The following FILIP1L variants were observed in gnomAD, a reference collection of about 807,000 sequenced individuals.
The protein encoded by FILIP1L is filamin A-interacting protein 1-like.
A neutral mutation model predicts 96.6 loss-of-function variants in FILIP1L; 55 were observed. That is an observed-to-expected ratio of 0.57 (90% CI 0.46 to 0.71). The LOEUF (loss-of-function observed/expected upper bound fraction) is 0.71, where lower values mean the gene tolerates loss of function less well. Ranked by LOEUF, FILIP1L falls within the 30% of genes least tolerant of loss-of-function variation. The probability of loss-of-function intolerance (pLI) is 0.00; values close to 1 mark genes in which losing one functional copy is unlikely to be tolerated. For missense variants in FILIP1L, 1,304 were observed against 1,321.2 expected, an observed-to-expected ratio of 0.99 and a Z score of 0.20; for synonymous variants, 467 against 473.9, an observed-to-expected ratio of 0.99 and a Z score of 0.19.
chr3:99,924,988 C>T (rs1018964718), intron 3 of FILIP1L, among the ~76,000 whole-genome samples: 3 of 152,236 alleles, frequency 2.0e-5, no homozygotes, highest in Admixed American at 2.0e-4. Context: ...CTCTTTCTGA[C>T]ACTCTTATGT....
At chr3:100,085,042 G>A (rs1442260454) in intron 1 of FILIP1L, among the ~76,000 whole-genome samples, 1 of 152,150 alleles carries the variant, frequency 6.6e-6, no homozygotes, top group Non-Finnish European at 1.5e-5. Flanking sequence ...ATGTATGTAT[G>A]GTACAGATCT....
chr3:100,013,033 A>G (rs775916681), intron 1 of FILIP1L, among the ~76,000 whole-genome samples: 1 of 151,602 alleles, frequency 6.6e-6, no homozygotes, highest in South Asian at 2.1e-4. Flanking sequence ...CACCCAGCCA[A>G]TTTTTTTGTT....
intron 4 of FILIP1L, among the ~76,000 whole-genome samples, chr3:99,899,070 C>CA (rs1706354229): frequency 6.6e-6 from 1 of 152,164 alleles, no homozygotes; most frequent in African/African-American, 2.4e-5. Flanking sequence ...ACCTCAAAGA[C>CA]AGCTACAGTG....
intron 1 of FILIP1L, among the ~76,000 whole-genome samples, chr3:99,982,844 T>C (rs1323293432): frequency 6.6e-6 from 1 of 152,212 alleles, no homozygotes; most frequent in Non-Finnish European, 1.5e-5. Context: ...TGGTAATTTA[T>C]GCAGCAATAA....
At chr3:100,093,504 T>G (rs1435809290) in intron 1 of FILIP1L, among the ~76,000 whole-genome samples, 1 of 152,220 alleles carries the variant, frequency 6.6e-6, no homozygotes, top group Non-Finnish European at 1.5e-5. Context: ...TTTGAGATAA[T>G]TGTGATTCAC....
chr3:99,953,420 G>A (rs900787582), intron 1 of FILIP1L, among the ~76,000 whole-genome samples: 1 of 152,156 alleles, frequency 6.6e-6, no homozygotes. Context: ...GAGGTTCTGA[G>A]GGTGCAGTTT....
chr3:99,990,442 C>T (rs1329050643), intron 1 of FILIP1L, among the ~76,000 whole-genome samples: 1 of 152,190 alleles, frequency 6.6e-6, no homozygotes, highest in Non-Finnish European at 1.5e-5. Flanking sequence ...ACAAAGTGAA[C>T]ACTAAATGTT....
chr3:100,038,580 T>G (rs2065149596), intron 1 of FILIP1L, among the ~76,000 whole-genome samples: 1 of 152,182 alleles, frequency 6.6e-6, no homozygotes, highest in Non-Finnish European at 1.5e-5. Flanking sequence ...TGTACTTTTG[T>G]AGGGACTGGA....
intron 1 of FILIP1L, among the ~76,000 whole-genome samples, chr3:100,038,305 G>T (rs2065144951): frequency 6.6e-6 from 1 of 152,102 alleles, no homozygotes; most frequent in Non-Finnish European, 1.5e-5. Flanking sequence ...AATAAGAAAA[G>T]TAATGAAGTA....
intron 4 of FILIP1L, among the ~76,000 whole-genome samples, chr3:99,899,886 A>G (rs1706380460): frequency 6.6e-6 from 1 of 152,172 alleles, no homozygotes; most frequent in African/African-American, 2.4e-5. Context: ...AATGAGTTAC[A>G]AACTTTAAGT....
At chr3:99,913,145 A>G (rs910399491) in intron 4 of FILIP1L, among the ~76,000 whole-genome samples, 1 of 152,184 alleles carries the variant, frequency 6.6e-6, no homozygotes, top group East Asian at 1.9e-4. Context: ...TAGCACCCTC[A>G]TCTCTGACTT....
intron 1 of FILIP1L, among the ~76,000 whole-genome samples, chr3:100,004,130 C>T (rs1455211552): frequency 6.6e-6 from 1 of 152,122 alleles, no homozygotes; most frequent in African/African-American, 2.4e-5. Flanking sequence ...TGCATGATGC[C>T]TTCCTAGGGG....
rs1943664992 is a variant in FILIP1L at position 99,850,973 on chromosome 3, G to A, written c.703C>T (p.Leu235=). 20 of 1,614,090 alleles carry A rather than the reference G, an allele frequency of 1.2e-5. No individual in the cohort carries two copies. The highest frequency in any genetic ancestry group is 1.7e-5 in the Non-Finnish European group (20 of 1,180,016). Residue 235 remains leucine (L), a synonymous_variant, in exon 5 of 6, where the codon CTG becomes TTG. Coordinates refer to ENST00000477258, the MANE Select transcript of FILIP1L (RefSeq NM_001387850.1). Reference sequence around the variant, plus strand: ...ACCACCATCAAAGCAAAAGACTTCAGCTTGGTCAGCTCCTCTTTCAGGGTG... The same window carrying A: ...ACCACCATCAAAGCAAAAGACTTCAACTTGGTCAGCTCCTCTTTCAGGGTG... ...VTTLKEELTK[L]KSFALMVVDE...
chr3:99,973,235 T>C (rs1480760756), intron 1 of FILIP1L, among the ~76,000 whole-genome samples: 1 of 152,212 alleles, frequency 6.6e-6, no homozygotes, highest in Non-Finnish European at 1.5e-5. Context: ...AATAAAAATT[T>C]TTTTTCTCTT....
rs1451497301 is a variant in FILIP1L at position 99,830,585 on chromosome 3, C to G, written c.3402G>C (p.Gln1134His). ...SQITIKEVCK[Q>H]RIPARIPKPK... ...GTTTAGGGATCCGTGCTGGGATTCT[C>G]TGCTTGCATACCTCCTTGATCTTGA... Residue 1134 changes from glutamine to histidine, a missense_variant, in exon 6 of 6, where the codon CAG becomes CAC. By Grantham distance (24) the Gln-to-His change is conservative (BLOSUM62 0). Coordinates refer to ENST00000477258, the MANE Select transcript of FILIP1L (RefSeq NM_001387850.1). 1 of 456,640 alleles carries G rather than the reference C, an allele frequency of 2.2e-6. No homozygotes were observed. Among genetic ancestry groups the G allele is most frequent in the Non-Finnish European group, 4.4e-6 (1 of 226,942 alleles). 28.3% of individuals were successfully genotyped at this position (456,640 alleles called of 1,614,324 possible). A position where few individuals can be genotyped will look rare whatever the true frequency, so the allele number is the denominator to read the frequency against.
intron 4 of FILIP1L, among the ~76,000 whole-genome samples, chr3:99,880,233 C>T (rs568999583): frequency 6.6e-6 from 1 of 151,298 alleles, no homozygotes; most frequent in African/African-American, 2.4e-5. Flanking sequence ...CTTCACTCTT[C>T]TTTCACTCTT....
At chr3:100,064,727 C>A (rs1005058108) in intron 1 of FILIP1L, among the ~76,000 whole-genome samples, 2 of 152,190 alleles carry the variant, frequency 1.3e-5, no homozygotes, top group African/African-American at 4.8e-5. Context: ...GTTGGCAAAT[C>A]ATACTCATCT....
At chr3:99,864,043 C>T (rs1033812310) in intron 4 of FILIP1L, among the ~76,000 whole-genome samples, 3 of 152,086 alleles carry the variant, frequency 2.0e-5, no homozygotes, top group African/African-American at 7.2e-5. Flanking sequence ...AGAAATTAAA[C>T]TTTGTAGGAT....
chr3:99,998,828 C>T (rs1395771856), intron 1 of FILIP1L, among the ~76,000 whole-genome samples: 1 of 152,216 alleles, frequency 6.6e-6, no homozygotes, highest in Non-Finnish European at 1.5e-5. Flanking sequence ...CTTAGCCTCC[C>T]AAAGTAATGG....
Sources: gnomAD v4.1 joint callset for allele counts (sites outside exome capture counted in the v4.1 genomes callset) on GRCh38, gnomAD v4.1.1 for gene constraint, MANE v1.5 for transcripts, NCBI Gene and HGNC (gene_info 2026-07-23, HGNC 2026-07-21) for gene names.